TRRAP: variants seen among roughly 807,000 people sequenced by gnomAD.
TRRAP encodes the protein transformation/transcription domain-associated protein.
TRRAP carries 41 observed loss-of-function variants against 438.8 expected under a neutral mutation model. The observed-to-expected ratio is 0.09, with a 90% CI of 0.07 to 0.12. The LOEUF (loss-of-function observed/expected upper bound fraction) is 0.12, where lower values mean the gene tolerates loss of function less well. Ranked by LOEUF, TRRAP falls within the 10% of genes least tolerant of loss-of-function variation. The pLI, the probability that TRRAP is intolerant of heterozygous loss-of-function variation, is 1.00. For synonymous variants in TRRAP, 1,994 were observed against 1,962.9 expected, an observed-to-expected ratio of 1.02 and a Z score of -0.42; for missense variants, 3,122 against 5,055.1, an observed-to-expected ratio of 0.62 and a Z score of 11.60.
chr7:99,012,919 C>T lies in TRRAP; in HGVS notation c.*564C>T, dbSNP rs1220308037. 6.6e-6 allele frequency: 1 copy of T among 152,544 alleles called. No homozygotes were observed. The highest frequency in any genetic ancestry group is 6.5e-5 in the Admixed American group (1 of 15,300). 9.4% of individuals were successfully genotyped at this position (152,544 alleles called of 1,614,324 possible). ...TCTCGTTGAGCGTTCGGCGTGGATCCACGGGGCCAGGCCACCCTGCGGGAG... is the reference window on the plus strand; with the variant it reads ...TCTCGTTGAGCGTTCGGCGTGGATCTACGGGGCCAGGCCACCCTGCGGGAG... On this transcript the variant is annotated 3_prime_UTR_variant, in exon 73 of 73. Transcript: ENST00000456197. The surrounding 1 kb of genome is among the most constrained non-coding windows in gnomAD (Gnocchi z 5.9).
At position 98,976,032 on chromosome 7, in the gene TRRAP, T is replaced by C. The variant is rs751681129; in HGVS notation, c.7840-117T>C. 2 of 1,308,286 alleles carry C rather than the reference T, an allele frequency of 1.5e-6. No individual in the cohort carries two copies. The highest frequency in any genetic ancestry group is 3.2e-5 in the South Asian group (2 of 62,632). The allele number at this position is 1,308,286 out of a possible 1,614,324, so 81.0% of individuals were successfully genotyped here. On this transcript the variant is annotated intron_variant, in intron 53 of 72. Transcript: ENST00000456197. The surrounding 1 kb of genome is among the most constrained non-coding windows in gnomAD (Gnocchi z 4.6). ...GGCATTTTCTCAGATCTTTGAAACT[T>C]TGAAAGTGGAGGAGCATCGGTAATG...
At chr7:98,900,282 A>G (rs545551282) in intron 10 of TRRAP, among the ~76,000 whole-genome samples, 1 of 151,996 alleles carries the variant, frequency 6.6e-6, no homozygotes, top group Non-Finnish European at 1.5e-5. Flanking sequence ...TCTGAGGAGG[A>G]ATCTTCTTTG....
At chr7:98,992,358 G>A (rs879543291) in intron 65 of TRRAP, 131 bp downstream of exon 65, 78 of 904,330 alleles carry the variant, frequency 8.6e-5, no homozygotes, top group Admixed American at 4.9e-4. Context: ...TCTCTCCTCA[G>A]TGGGCAGCAC....
chr7:98,962,906 G>A (rs1381247251), intron 47 of TRRAP, among the ~76,000 whole-genome samples: 3 of 152,264 alleles, frequency 2.0e-5, no homozygotes, highest in South Asian at 2.1e-4. Flanking sequence ...CCCCAGGTAC[G>A]CAGGAGTCAG....
rs1204848079 is a variant in TRRAP at position 98,978,808 on chromosome 7, G to A, written c.8538G>A (p.Glu2846=). 2 of 1,614,126 alleles carry A rather than the reference G, an allele frequency of 1.2e-6. No individual in the cohort carries two copies. Among genetic ancestry groups the A allele is most frequent in the South Asian group, 1.1e-5 (1 of 91,094 alleles). The change falls in exon 58 of 73, where the codon GAG becomes GAA. Residue 2846 remains glutamate, a synonymous_variant. Transcript: ENST00000456197. ...KELNQWEALT[E]YGQSKGHINP... The stretch of plus-strand genomic sequence containing the variant: ...TGAACCAGTGGGAAGCCCTGACGGA[G>A]TACGGTCAGTCCAAAGGCCACATCA...
chr7:99,004,935 G>A (rs1396277434), intron 68 of TRRAP, among the ~76,000 whole-genome samples, 196 bp from the exon 69 acceptor site: 3 of 152,088 alleles, frequency 2.0e-5, no homozygotes, highest in Non-Finnish European at 4.4e-5. Context: ...ACTTCCGTCC[G>A]TGGCTGCTGA....
At position 98,965,836 on chromosome 7, in the gene TRRAP, G is replaced by A; in HGVS notation, c.7117G>A (p.Ala2373Thr). 1 of 1,614,098 alleles carries A rather than the reference G, an allele frequency of 6.2e-7. No homozygotes were observed. The highest frequency in any genetic ancestry group is 1.1e-5 in the South Asian group (1 of 91,076). Reference sequence around the variant, plus strand: ...ATCACCAGATGCCAAAATCCTCCGGGCTGTGGTCAAAATCGTGGAAGAATG... The same window carrying A: ...ATCACCAGATGCCAAAATCCTCCGGACTGTGGTCAAAATCGTGGAAGAATG... ...EKSPDAKILR[A>T]VVKIVEEWVK... The change falls in exon 49 of 73, where the codon GCT (alanine) becomes ACT (threonine). Residue 2373 changes from alanine to threonine, a missense_variant. Ala to Thr is a moderately conservative substitution (Grantham distance 58, BLOSUM62 0). This residue lies in a region of TRRAP where 992 missense variants were observed against 1,281.2 expected (regional missense o/e 0.77). Coordinates refer to ENST00000456197, the MANE Select transcript of TRRAP (RefSeq NM_001375524.1).
Position 98,949,440 on chromosome 7 carries a change from C to A in TRRAP, c.4812C>A (p.Ala1604=). The A allele has an allele frequency of 6.3e-7, 1 of 1,581,740 alleles. No homozygotes were observed. The highest frequency in any genetic ancestry group is 8.6e-7 in the Non-Finnish European group (1 of 1,168,132). ...MFMSFLKHKD[A]RPLRDVLAAN... The stretch of plus-strand genomic sequence containing the variant: ...AGAGTTTTTTAAAACACAAAGACGC[C>A]AGACCTCTGCGGGATGTGCTGGCTG... The change falls in exon 36 of 73, where the codon GCC becomes GCA. Residue 1604 remains alanine (A), a synonymous_variant. Coordinates refer to ENST00000456197, the MANE Select transcript of TRRAP (RefSeq NM_001375524.1).
chr7:98,952,839 G>A (rs1053045144), intron 39 of TRRAP, among the ~76,000 whole-genome samples: 1 of 152,116 alleles, frequency 6.6e-6, no homozygotes, highest in Non-Finnish European at 1.5e-5. Flanking sequence ...TGTGCAGATC[G>A]TTAACCTTTC....
intron 67 of TRRAP, among the ~76,000 whole-genome samples, chr7:99,002,348 A>T (rs893045375): frequency 2.0e-5 from 3 of 152,150 alleles, no homozygotes; most frequent in African/African-American, 7.2e-5. Context: ...TGCCAATGTC[A>T]CTTTTTGGTG....
At chr7:99,007,496 G>A (rs560176829) in intron 69 of TRRAP, among the ~76,000 whole-genome samples, 18 of 141,914 alleles carry the variant, frequency 1.3e-4, no homozygotes, top group South Asian at 6.8e-4. Context: ...CTACAGGTGC[G>A]CACCACCACG....
chr7:98,996,936 C>T (rs947413387), intron 67 of TRRAP, among the ~76,000 whole-genome samples: 12 of 151,900 alleles, frequency 7.9e-5, no homozygotes, highest in African/African-American at 7.3e-5. Context: ...GAAACATAGT[C>T]TTTGCTGACT....
At chr7:98,982,227 C>T (rs961500041) in intron 59 of TRRAP, among the ~76,000 whole-genome samples, 1 of 152,134 alleles carries the variant, frequency 6.6e-6, no homozygotes, top group African/African-American at 2.4e-5. Context: ...TTTCAGTGCC[C>T]ACTGTGCCAC....
intron 44 of TRRAP, 118 bp downstream of exon 44, chr7:98,958,209 C>T (rs1390076042): frequency 2.4e-6 from 2 of 822,660 alleles, no homozygotes; most frequent in African/African-American, 1.8e-5. Flanking sequence ...CCAAGGTCTG[C>T]CAGCTGGTTC....
chr7:98,898,437 T>TA (rs1250313987), intron 8 of TRRAP, among the ~76,000 whole-genome samples: 2 of 152,256 alleles, frequency 1.3e-5, no homozygotes, highest in Non-Finnish European at 2.9e-5. Context: ...TTTGAGCACT[T>TA]ACTATGACAA....
intron 18 of TRRAP, among the ~76,000 whole-genome samples, chr7:98,912,948 G>A (rs188583243): frequency 5.8e-4 from 88 of 152,252 alleles, no homozygotes; most frequent in African/African-American, 1.6e-3. Flanking sequence ...TGAGGGAGAC[G>A]GAAAAATGCA....
intron 7 of TRRAP, among the ~76,000 whole-genome samples, chr7:98,896,683 C>T (rs1554405808): frequency 6.6e-6 from 1 of 152,108 alleles, no homozygotes; most frequent in African/African-American, 2.4e-5. Flanking sequence ...TGCACCCAGC[C>T]TAAAGATTTC....
chr7:98,942,409 T>C (rs1263141570), intron 30 of TRRAP, among the ~76,000 whole-genome samples: 1 of 152,262 alleles, frequency 6.6e-6, no homozygotes, highest in African/African-American at 2.4e-5. Context: ...GCTTCTGGCA[T>C]TCCTGCCTTC....
intron 63 of TRRAP, 137 bp from the exon 64 acceptor site, chr7:98,990,318 G>T: frequency 1.3e-6 from 1 of 760,546 alleles, no homozygotes; most frequent in East Asian, 2.6e-5. Context: ...TAGCAATAAT[G>T]TTGGCCTGCT....
Sources: allele counts gnomAD v4.1 joint callset (sites outside exome capture counted in the v4.1 genomes callset), GRCh38; gene constraint gnomAD v4.1.1; regional missense constraint gnomAD v4.1.1; non-coding constraint Gnocchi (gnomAD v3.1); transcripts MANE v1.5; gene names NCBI Gene and HGNC (gene_info 2026-07-23, HGNC 2026-07-21).